The following TIAM2 variants were observed in gnomAD, a reference collection of about 807,000 sequenced individuals.
TIAM2 encodes TIAM Rac1 associated GEF 2, also known as rho guanine nucleotide exchange factor TIAM2.
Under a neutral mutation model 152.9 loss-of-function variants are expected in TIAM2, and 80 were observed. The observed-to-expected ratio is 0.52, with a 90% CI of 0.44 to 0.63. The LOEUF (loss-of-function observed/expected upper bound fraction) is 0.63, where lower values mean the gene tolerates loss of function less well. Among genes scored for constraint, TIAM2 ranks in the 30% least tolerant of loss-of-function variants. TIAM2 has a pLI of 0.00. For missense variants in TIAM2, 1,965 were observed against 2,120.1 expected, an observed-to-expected ratio of 0.93 and a Z score of 1.44; for synonymous variants, 804 against 838.0, an observed-to-expected ratio of 0.96 and a Z score of 0.70.
At chr6:155,070,481 G>A (rs964023027) in intron 1 of TIAM2, among the ~76,000 whole-genome samples, 21 of 148,440 alleles carry the variant, frequency 1.4e-4, no homozygotes, top group African/African-American at 4.2e-4. Flanking sequence ...CCTCCCAAAG[G>A]GCTGGGATTA....
rs921913424 is a variant in TIAM2 at position 155,211,350 on chromosome 6, G to A, written c.3168+43G>A. 7 of 1,554,770 alleles carry A rather than the reference G, an allele frequency of 4.5e-6. No homozygotes were observed. In the Admixed American group the frequency reaches 6.8e-5, roughly 15 times the overall value. On this transcript the variant is annotated intron_variant, in intron 15 of 26. Transcript: ENST00000682666. ...ATCGCAAACCAAGAACCAGGCAGGCGAGTGTTAGTTCCCACCTTTACCTAA... is the reference window on the plus strand; with the variant it reads ...ATCGCAAACCAAGAACCAGGCAGGCAAGTGTTAGTTCCCACCTTTACCTAA...
At chr6:155,189,532 A>G (rs1781140383) in intron 14 of TIAM2, among the ~76,000 whole-genome samples, 1 of 152,190 alleles carries the variant, frequency 6.6e-6, no homozygotes, top group South Asian at 2.1e-4. Flanking sequence ...GATCCTGGAT[A>G]CTAATTTCCT....
chr6:155,097,890 CA>C (rs1778452994), intron 2 of TIAM2, among the ~76,000 whole-genome samples: 1 of 152,174 alleles, frequency 6.6e-6, no homozygotes, highest in Admixed American at 6.5e-5. Context: ...ACAGTTTTCC[CA>C]GCACCATTTA....
At chr6:155,029,875 C>T (rs973410403) in intron 1 of TIAM2, among the ~76,000 whole-genome samples, 6 of 151,522 alleles carry the variant, frequency 4.0e-5, no homozygotes, top group Admixed American at 2.6e-4. Context: ...TCACTGCAAC[C>T]TCCGCCTCCC....
intron 5 of TIAM2, among the ~76,000 whole-genome samples, chr6:155,140,391 G>A (rs1779664482): frequency 6.6e-6 from 1 of 152,088 alleles, no homozygotes; most frequent in Admixed American, 6.6e-5. Context: ...ATGGATGCAC[G>A]TTACCCCATC....
chr6:155,125,416 A>G (rs146009347), intron 2 of TIAM2, among the ~76,000 whole-genome samples: 68 of 152,350 alleles, frequency 4.5e-4, no homozygotes, highest in Non-Finnish European at 7.9e-4. Context: ...CATTAGGATA[A>G]CTGCTGTCGA....
intron 19 of TIAM2, among the ~76,000 whole-genome samples, chr6:155,247,338 G>GT (rs1358517138): frequency 8.6e-5 from 13 of 151,274 alleles, no homozygotes; most frequent in Admixed American, 5.3e-4. Context: ...TTTTGATGTT[G>GT]TTTTTTTTGA....
chr6:155,231,826 G>C (rs961100776), intron 15 of TIAM2, among the ~76,000 whole-genome samples: 18 of 152,364 alleles, frequency 1.2e-4, no homozygotes, highest in African/African-American at 4.3e-4. Flanking sequence ...TGTAATCCCA[G>C]TATTTTGGGA....
chr6:155,082,038 G>T (rs868672163), intron 1 of TIAM2, among the ~76,000 whole-genome samples: 18 of 152,270 alleles, frequency 1.2e-4, no homozygotes, highest in Middle Eastern at 3.4e-3. Flanking sequence ...ATGGGGTAAA[G>T]AAAAGGATAA....
chr6:155,105,394 G>A (rs1163559407), intron 2 of TIAM2, among the ~76,000 whole-genome samples: 3 of 152,198 alleles, frequency 2.0e-5, no homozygotes, highest in Non-Finnish European at 4.4e-5. Flanking sequence ...CAAGTGATCT[G>A]CCCGCATTGG....
intron 15 of TIAM2, among the ~76,000 whole-genome samples, chr6:155,222,285 C>T (rs1454729256): frequency 6.7e-6 from 1 of 150,348 alleles, no homozygotes; most frequent in East Asian, 2.0e-4. Context: ...GAAGCCACCT[C>T]GACATGGGGT....
chr6:155,098,579 A>C (rs1370273790), intron 2 of TIAM2, among the ~76,000 whole-genome samples: 1 of 152,126 alleles, frequency 6.6e-6, no homozygotes, highest in Non-Finnish European at 1.5e-5. Context: ...TTTTTGGTGG[A>C]GTCTAGATTT....
chr6:155,146,901 G>A (rs192701130), intron 6 of TIAM2, among the ~76,000 whole-genome samples: 5 of 151,614 alleles, frequency 3.3e-5, no homozygotes, highest in Non-Finnish European at 7.4e-5. Context: ...GATTATAGGC[G>A]TGAGCCACCA....
chr6:155,232,932 C>T (rs1782552886), intron 15 of TIAM2: 1 of 152,194 alleles, frequency 6.6e-6, no homozygotes, highest in African/African-American at 2.4e-5. Flanking sequence ...CACATTACCC[C>T]AAATTACGCA....
At chr6:155,185,123 CTT>C (rs11404301) in intron 14 of TIAM2, among the ~76,000 whole-genome samples, 231 of 92,396 alleles carry the variant, frequency 2.5e-3, no homozygotes, top group African/African-American at 9.7e-3. Context: ...GCAAATTTAC[CTT>C]TTTTTTTTTT....
intron 15 of TIAM2, among the ~76,000 whole-genome samples, chr6:155,219,920 C>T (rs1298177469): frequency 1.3e-5 from 2 of 152,164 alleles, no homozygotes; most frequent in Admixed American, 1.3e-4. Flanking sequence ...AGACAGCGTT[C>T]CAAGCAAGTG....
chr6:155,252,424 A>G (rs552145430), intron 23 of TIAM2, among the ~76,000 whole-genome samples: 1 of 152,202 alleles, frequency 6.6e-6, no homozygotes, highest in African/African-American at 2.4e-5. Context: ...AGCCTTGATC[A>G]TGCCACTGCA....
In TIAM2 at chr6:155,151,766, G is replaced by T. The variant is rs947182408; in HGVS notation, c.2028+3432G>T. 3.3e-5 allele frequency among the ~76,000 whole-genome samples: 5 copies of T among 151,400 alleles called. No individual in the cohort carries two copies. In the South Asian group the frequency reaches 1.0e-3, roughly 31 times the overall value. On this transcript the variant is annotated intron_variant, in intron 7 of 26. Coordinates refer to ENST00000682666, the MANE Select transcript of TIAM2 (RefSeq NM_012454.4). ...AAGGGCCTGGTCCCAAGTGACACAAGTTCAACAGTTTACATGGAAAATGTA... is the reference window on the plus strand; with the variant it reads ...AAGGGCCTGGTCCCAAGTGACACAATTTCAACAGTTTACATGGAAAATGTA...
intron 1 of TIAM2, among the ~76,000 whole-genome samples, chr6:155,086,149 C>T (rs768469335): frequency 2.0e-5 from 3 of 152,172 alleles, no homozygotes; most frequent in Admixed American, 6.5e-5. Flanking sequence ...ATGTGAGGAA[C>T]GCAGAGAGGG....
Sources: gnomAD v4.1 joint callset for allele counts (sites outside exome capture counted in the v4.1 genomes callset) on GRCh38, gnomAD v4.1.1 for gene constraint, MANE v1.5 for transcripts, NCBI Gene and HGNC (gene_info 2026-07-23, HGNC 2026-07-21) for gene names.